RBFOX1: variants seen among roughly 807,000 people sequenced by gnomAD.
RBFOX1 encodes RNA binding fox-1 homolog 1.
RBFOX1 carries 8 observed loss-of-function variants against 57.7 expected under a neutral mutation model. That is an observed-to-expected ratio of 0.14 (90% CI 0.08 to 0.25). RBFOX1 has a LOEUF of 0.25. RBFOX1 is among the 10% of genes least tolerant of loss of function. RBFOX1 has a pLI of 1.00. For synonymous variants in RBFOX1, 326 were observed against 222.4 expected, an observed-to-expected ratio of 1.47 and a Z score of -4.15; for missense variants, 611 against 548.5, an observed-to-expected ratio of 1.11 and a Z score of -1.14.
At chr16:7,119,431 G>C (rs918306104) in intron 4 of RBFOX1, among the ~76,000 whole-genome samples, 1 of 152,020 alleles carries the variant, frequency 6.6e-6, no homozygotes, top group African/African-American at 2.4e-5. Context: ...AAATTACTTT[G>C]GCAGACAGAA....
At chr16:7,073,321 A>C (rs550458578) in intron 4 of RBFOX1, among the ~76,000 whole-genome samples, 2 of 152,194 alleles carry the variant, frequency 1.3e-5, no homozygotes, top group Non-Finnish European at 1.5e-5. Flanking sequence ...TCCCTTCCCT[A>C]TATGAAGGGG....
intron 1 of RBFOX1, among the ~76,000 whole-genome samples, chr16:5,427,952 G>A (rs1455117146): frequency 2.0e-5 from 3 of 152,276 alleles, no homozygotes; most frequent in South Asian, 2.1e-4. Context: ...GTCAGCACCC[G>A]CTGGAAACTC....
intron 3 of RBFOX1, among the ~76,000 whole-genome samples, chr16:6,720,303 G>T (rs987896808): frequency 6.6e-6 from 1 of 152,014 alleles, no homozygotes; most frequent in African/African-American, 2.4e-5. Flanking sequence ...TTTCTGCTAC[G>T]TAAGACATGC....
chr16:7,435,642 T>C (rs749292463), intron 4 of RBFOX1, among the ~76,000 whole-genome samples: 6 of 152,170 alleles, frequency 3.9e-5, no homozygotes, highest in South Asian at 2.1e-4. Flanking sequence ...GCAAGCCACA[T>C]TGAAGGAGAA....
At chr16:7,131,884 A>G (rs1328897165) in intron 4 of RBFOX1, among the ~76,000 whole-genome samples, 1 of 152,024 alleles carries the variant, frequency 6.6e-6, no homozygotes, top group Non-Finnish European at 1.5e-5. Context: ...CTTAGCTTCT[A>G]GGGGGTGAGA....
chr16:7,196,769 C>T (rs539830211), intron 4 of RBFOX1, among the ~76,000 whole-genome samples: 3 of 152,012 alleles, frequency 2.0e-5, no homozygotes, highest in Non-Finnish European at 4.4e-5. Context: ...GAAGCCTGGG[C>T]AGGCTTTTGA....
At chr16:6,721,366 C>G (rs1374116678) in intron 3 of RBFOX1, among the ~76,000 whole-genome samples, 1 of 152,168 alleles carries the variant, frequency 6.6e-6, no homozygotes, top group East Asian at 1.9e-4. Flanking sequence ...TCACTTGAAC[C>G]CGGGAGGCGG....
chr16:5,592,529 G>A (rs1015182037), intron 2 of RBFOX1, among the ~76,000 whole-genome samples: 2 of 151,624 alleles, frequency 1.3e-5, no homozygotes, highest in East Asian at 1.9e-4. Flanking sequence ...CGATTCTCCT[G>A]CCTCAGCCTC....
In RBFOX1 at chr16:5,961,367, A is replaced by G. The variant is rs370431027; in HGVS notation, c.351+94032A>G. Among the ~76,000 whole-genome samples the G allele has an allele frequency of 9.6e-4, 146 of 152,264 alleles. 4 individuals carry two copies. In the South Asian group the frequency reaches 0.028, roughly 29 times the overall value. On this transcript the variant is annotated intron_variant, in intron 4 of 19. Coordinates refer to the RBFOX1 transcript ENST00000641259. The stretch of plus-strand genomic sequence containing the variant: ...GGTACTTGCTTGAGCTTCCAAAATT[A>G]CTCAATAGCAAAGCCAGAACCTAAA...
chr16:5,405,479 A>T (rs1356956960), intron 1 of RBFOX1, among the ~76,000 whole-genome samples: 1 of 152,206 alleles, frequency 6.6e-6, no homozygotes, highest in East Asian at 1.9e-4. Context: ...CTCCCCAGCC[A>T]TGTGGAACTG....
chr16:6,749,456 C>T (rs1055143290), intron 3 of RBFOX1, among the ~76,000 whole-genome samples: 5 of 152,152 alleles, frequency 3.3e-5, no homozygotes, highest in African/African-American at 7.2e-5. Context: ...TACTCATAAC[C>T]GTCCGGGGAG....
intron 3 of RBFOX1, among the ~76,000 whole-genome samples, chr16:5,766,103 G>C (rs2053768093): frequency 6.6e-6 from 1 of 152,170 alleles, no homozygotes; most frequent in Middle Eastern, 3.2e-3. Context: ...GAATACTCAA[G>C]GTTTTTGAAA....
intron 4 of RBFOX1, among the ~76,000 whole-genome samples, chr16:7,468,543 C>A (rs568618621): frequency 6.7e-6 from 1 of 149,662 alleles, no homozygotes; most frequent in Non-Finnish European, 1.5e-5. Flanking sequence ...GTTATTAACA[C>A]TGATACACAT....
chr16:6,228,712 G>A (rs2097435548), intron 1 of RBFOX1, among the ~76,000 whole-genome samples: 1 of 152,144 alleles, frequency 6.6e-6, no homozygotes. Context: ...GGCGGGAGGA[G>A]TAAGTTCAAG....
At chr16:6,421,733 C>T (rs1478580027) in intron 2 of RBFOX1, among the ~76,000 whole-genome samples, 2 of 152,052 alleles carry the variant, frequency 1.3e-5, no homozygotes, top group Non-Finnish European at 2.9e-5. Flanking sequence ...CGTGAAGGGG[C>T]TTCTCCATGT....
intron 2 of RBFOX1, among the ~76,000 whole-genome samples, chr16:6,345,434 C>T (rs1203639771): frequency 2.0e-5 from 3 of 152,090 alleles, no homozygotes; most frequent in Non-Finnish European, 4.4e-5. Flanking sequence ...CAGGTGTTGC[C>T]ATGGCAGTGG....
At chr16:5,856,315 A>G (rs1445088833) in intron 3 of RBFOX1, among the ~76,000 whole-genome samples, 4 of 74,374 alleles carry the variant, frequency 5.4e-5, no homozygotes, top group African/African-American at 1.4e-4. Context: ...ACACACATAT[A>G]TATAGGGAAA....
At chr16:7,527,543 T>A (rs2078978074) in intron 5 of RBFOX1, among the ~76,000 whole-genome samples, 1 of 152,164 alleles carries the variant, frequency 6.6e-6, no homozygotes, top group African/African-American at 2.4e-5. Flanking sequence ...TGGCGTTGGT[T>A]AAATATCTTT....
chr16:6,779,081 A>C (rs764260626), intron 3 of RBFOX1, among the ~76,000 whole-genome samples: 1 of 151,948 alleles, frequency 6.6e-6, no homozygotes, highest in Non-Finnish European at 1.5e-5. Flanking sequence ...TAGTTGTCCT[A>C]TTGTGCTAGT....
Sources: gnomAD v4.1 joint callset for allele counts (sites outside exome capture counted in the v4.1 genomes callset) on GRCh38, gnomAD v4.1.1 for gene constraint, MANE v1.5 for transcripts, NCBI Gene and HGNC (gene_info 2026-07-23, HGNC 2026-07-21) for gene names.